Variants in PLCH1 observed in about 807,000 individuals in gnomAD.
PLCH1 encodes 1-phosphatidylinositol 4,5-bisphosphate phosphodiesterase eta-1.
A neutral mutation model predicts 126.7 loss-of-function variants in PLCH1; 60 were observed. The ratio of observed to expected loss-of-function variants is 0.47; its 90% CI spans 0.38 to 0.59. The LOEUF is 0.59. Ranked by LOEUF, PLCH1 falls within the 20% of genes least tolerant of loss-of-function variation. The pLI, the probability that PLCH1 is intolerant of heterozygous loss-of-function variation, is 0.00. For synonymous variants in PLCH1, 719 were observed against 734.9 expected (o/e 0.98, Z 0.35); for missense variants, 1,723 against 2,040.0 (o/e 0.84, Z 2.99).
intron 2 of PLCH1, among the ~76,000 whole-genome samples, chr3:155,699,822 T>TCACACACACACA (rs59082626): frequency 0.015 from 2,190 of 147,768 alleles, 55 homozygotes; most frequent in African/African-American, 0.049. Flanking sequence ...CTGTGACCAT[T>TCACACACACACA]CACACACACA....
chr3:155,470,035 G>T (rs901189555), intron 21 of PLCH1, among the ~76,000 whole-genome samples: 2 of 152,150 alleles, frequency 1.3e-5, no homozygotes, highest in Admixed American at 1.3e-4. Context: ...TCCTCCAAAG[G>T]AACGCAGTTC....
chr3:155,688,977 A>T (rs890496575), intron 2 of PLCH1, among the ~76,000 whole-genome samples: 2 of 152,202 alleles, frequency 1.3e-5, no homozygotes, highest in African/African-American at 4.8e-5. Context: ...GGATCTTGCC[A>T]TCCTGAAGGG....
chr3:155,648,172 A>G (rs1165442009), intron 2 of PLCH1, among the ~76,000 whole-genome samples: 21 of 152,222 alleles, frequency 1.4e-4, no homozygotes, highest in Admixed American at 1.4e-3. Flanking sequence ...CCACAAGGTC[A>G]GAGCTCAGGA....
intron 1 of PLCH1, among the ~76,000 whole-genome samples, chr3:155,710,743 G>A (rs1381469314): frequency 1.3e-5 from 2 of 151,540 alleles, no homozygotes; most frequent in African/African-American, 2.4e-5. Context: ...TGAGGAAGGA[G>A]AATGGCTTGA....
intron 10 of PLCH1, among the ~76,000 whole-genome samples, chr3:155,537,201 C>CA (rs1560128167): frequency 2.3e-5 from 3 of 132,118 alleles, no homozygotes; most frequent in East Asian, 2.5e-4. Flanking sequence ...AAAAAAAAAA[C>CA]CAAAAAAAAA....
chr3:155,564,722 T>A (rs1017189224), intron 8 of PLCH1, among the ~76,000 whole-genome samples, 193 bp downstream of exon 8: 2 of 152,194 alleles, frequency 1.3e-5, no homozygotes, highest in African/African-American at 4.8e-5. Flanking sequence ...CTAACACAGA[T>A]CTCTTTCTCC....
At chr3:155,719,327 G>C (rs985721559) in intron 1 of PLCH1, among the ~76,000 whole-genome samples, 3 of 152,030 alleles carry the variant, frequency 2.0e-5, no homozygotes, top group African/African-American at 7.2e-5. Context: ...GAGAACACTT[G>C]GACACAGGAA....
intron 2 of PLCH1, among the ~76,000 whole-genome samples, chr3:155,680,218 A>C (rs1349311329): frequency 2.0e-5 from 3 of 152,128 alleles, no homozygotes; most frequent in African/African-American, 4.8e-5. Context: ...CCCCATCTCT[A>C]CTAAAAATAC....
At position 155,504,561 on chromosome 3, in the gene PLCH1, T is replaced by C. The variant is rs770350143; in HGVS notation, c.1698A>G (p.Lys566=). The C allele has an allele frequency of 1.3e-6, 2 of 1,586,028 alleles. No homozygotes were observed. Among genetic ancestry groups the C allele is most frequent in the Admixed American group, 3.3e-5 (2 of 59,982 alleles). ...HGRSLMTNFG[K]HKKTTKSRSK... ...TATTACTCTTAATTCATACCTTATGTTTTCCAAAGTTGGTCATGAGGGATC... is the reference window on the plus strand; with the variant it reads ...TATTACTCTTAATTCATACCTTATGCTTTCCAAAGTTGGTCATGAGGGATC... The change falls in exon 13 of 23, where the codon AAA becomes AAG. Residue 566 remains lysine, a synonymous_variant. Transcript: ENST00000460012.
In PLCH1 at chr3:155,549,952, A is replaced by G. The variant is rs1420830984; in HGVS notation, c.1197T>C (p.Pro399=). 2 of 1,613,244 alleles carry G rather than the reference A, an allele frequency of 1.2e-6. No homozygotes were observed. The highest frequency in any genetic ancestry group is 1.3e-5 in the African/African-American group (1 of 75,036). Residue 399 remains proline, a synonymous_variant, in exon 10 of 23, where the codon CCT becomes CCC. Transcript: ENST00000460012. ...AGTGATTCTCGATAGACAATATAAC[A>G]GGAAACCTGAGAAAAGAGCAACACA... ...NKHAFVKNEF[P]VILSIENHCS...
intron 11 of PLCH1, among the ~76,000 whole-genome samples, chr3:155,521,390 G>A (rs1484232528): frequency 6.6e-6 from 1 of 152,190 alleles, no homozygotes; most frequent in Admixed American, 6.5e-5. Flanking sequence ...AACAGGAGAT[G>A]TTTAATAAAA....
At chr3:155,690,434 T>A (rs1745287626) in intron 2 of PLCH1, among the ~76,000 whole-genome samples, 1 of 152,228 alleles carries the variant, frequency 6.6e-6, no homozygotes. Context: ...GAAGCCTGGC[T>A]ATGGGTTTTG....
intron 1 of PLCH1, among the ~76,000 whole-genome samples, chr3:155,730,068 G>C (rs1332316494): frequency 1.3e-5 from 2 of 152,016 alleles, no homozygotes; most frequent in Non-Finnish European, 2.9e-5. Flanking sequence ...GTAAAATTAA[G>C]AATTAAAGTT....
chr3:155,523,054 A>G (rs1298917304), intron 11 of PLCH1, among the ~76,000 whole-genome samples: 1 of 151,950 alleles, frequency 6.6e-6, no homozygotes, highest in African/African-American at 2.4e-5. Flanking sequence ...GGCTCACTGC[A>G]AGCTCCGCCT....
intron 1 of PLCH1, among the ~76,000 whole-genome samples, chr3:155,717,070 A>G (rs1010124108): frequency 6.6e-6 from 1 of 152,250 alleles, no homozygotes; most frequent in Non-Finnish European, 1.5e-5. Flanking sequence ...TGCAAGCTCA[A>G]AACCCAGCAG....
At chr3:155,739,648 A>G (rs1749469447) in intron 1 of PLCH1, among the ~76,000 whole-genome samples, 1 of 152,236 alleles carries the variant, frequency 6.6e-6, no homozygotes, top group South Asian at 2.1e-4. Context: ...AGCGTTTGTC[A>G]CAAATTTCCC....
downstream of PLCH1, among the ~76,000 whole-genome samples, chr3:155,479,257 C>G (rs1302388520): frequency 6.6e-6 from 1 of 152,124 alleles, no homozygotes; most frequent in Non-Finnish European, 1.5e-5. Context: ...AAACCAAGGT[C>G]TAAGGATAGA....
intron 1 of PLCH1, among the ~76,000 whole-genome samples, chr3:155,714,286 G>A (rs1197807619): frequency 6.6e-6 from 1 of 152,154 alleles, no homozygotes; most frequent in Non-Finnish European, 1.5e-5. Context: ...GGGCAGGGAT[G>A]GGGTGGGAGG....
At chr3:155,703,849 C>T (rs1369257373) in intron 2 of PLCH1, among the ~76,000 whole-genome samples, 1 of 152,104 alleles carries the variant, frequency 6.6e-6, no homozygotes, top group Non-Finnish European at 1.5e-5. Flanking sequence ...TTACAAACAT[C>T]AGAAAGGGAT....
Sources: allele counts gnomAD v4.1 joint callset (sites outside exome capture counted in the v4.1 genomes callset), GRCh38; gene constraint gnomAD v4.1.1; transcripts MANE v1.5; gene names NCBI Gene and HGNC (gene_info 2026-07-23, HGNC 2026-07-21).